The following RPL9 variants were observed in gnomAD, a reference collection of about 807,000 sequenced individuals.
RPL9 encodes the protein ribosomal protein L9, also known as large ribosomal subunit protein uL6.
For synonymous variants in RPL9, 82 were observed against 77.1 expected (o/e 1.06, Z -0.33); for missense variants, 149 against 236.7 (o/e 0.63, Z 2.43).
At chr4:39,456,211 T>A (rs1431008333) in intron 5 of RPL9, 195 bp downstream of exon 5, 1 of 622,778 alleles carries the variant, frequency 1.6e-6, no homozygotes, top group Non-Finnish European at 2.9e-6. Context: ...GAAATTGTAA[T>A]CGACATAATG....
In RPL9 at chr4:39,458,242, G is replaced by A. The variant is rs147466054; in HGVS notation, c.114C>T (p.Phe38=). 4.4e-5 allele frequency: 71 copies of A among 1,614,052 alleles called. No homozygotes were observed. The East Asian group carries it at 1.0e-3, about 23-fold the overall frequency. The part of the protein sequence containing the change: ...KGPRGTLRRD[F]NHINVELSLL... ...GGCTGAGTTCTACATTGATGTGATT[G>A]AAGTCCCTCCGCAGGGTTCCTCTGG... is the stretch of plus-strand genomic sequence containing the variant. The change falls in exon 3 of 8, where the codon TTC becomes TTT. Residue 38 remains phenylalanine, a synonymous_variant. Coordinates refer to ENST00000295955, the MANE Select transcript of RPL9 (RefSeq NM_000661.5).
At chr4:39,458,030 G>C (rs1266885880) in intron 3 of RPL9, 164 bp downstream of exon 3, 4 of 757,914 alleles carry the variant, frequency 5.3e-6, no homozygotes, top group Non-Finnish European at 9.2e-6. Flanking sequence ...GCTGTGTTCA[G>C]AATCTGGTTT....
intron 6 of RPL9, 91 bp downstream of exon 6, chr4:39,454,773 C>T (rs1744020814): frequency 1.4e-6 from 2 of 1,466,780 alleles, no homozygotes; most frequent in African/African-American, 2.8e-5. Context: ...ATTTAAAAAG[C>T]TAATCAAATA....
In RPL9 at chr4:39,458,415, T is replaced by C. The variant is rs748978517; in HGVS notation, c.25A>G (p.Thr9Ala). The C allele has an allele frequency of 6.2e-7, 1 of 1,614,106 alleles. No individual in the cohort carries two copies. Among genetic ancestry groups the C allele is most frequent in the African/African-American group, 1.3e-5 (1 of 74,944 alleles). The change falls in exon 2 of 8, where the codon ACT (threonine) becomes GCT (alanine). Residue 9 changes from threonine to alanine, a missense_variant. Physicochemically the swap from Thr to Ala is moderately conservative, Grantham distance 58. Transcript: ENST00000295955. MKTILSNQ[T>A]VDIPENVDIT... Reference sequence around the variant, plus strand: ...ATACCATTTTCTGGAATGTCGACAGTCTGATTGCTGAGAATAGTCTTCATT... The same window carrying C: ...ATACCATTTTCTGGAATGTCGACAGCCTGATTGCTGAGAATAGTCTTCATT...
chr4:39,456,771 T>G, intron 4 of RPL9: 1 of 474,442 alleles, frequency 2.1e-6, no homozygotes, highest in African/African-American at 2.0e-5. Flanking sequence ...TGAACAATGC[T>G]GCCTTCTTTT....
At chr4:39,455,892 A>C (rs1744067215) in intron 5 of RPL9, 2 of 182,414 alleles carry the variant, frequency 1.1e-5, no homozygotes, top group African/African-American at 2.4e-5. Context: ...TTTAAGCTGC[A>C]GAGAGATGAC....
intron 6 of RPL9, 46 bp from the exon 7 acceptor site, chr4:39,454,695 C>T (rs1454604312): frequency 6.5e-7 from 1 of 1,537,208 alleles, no homozygotes; most frequent in Non-Finnish European, 8.9e-7. Context: ...CCTAACCCAT[C>T]TTAAAAAGAA....
chr4:39,455,018 A>C (rs1315778183), intron 5 of RPL9, 74 bp from the exon 6 acceptor site: 1 of 1,411,098 alleles, frequency 7.1e-7, no homozygotes. Flanking sequence ...GCACTAATTT[A>C]TTCCATGTAA....
rs553478875 is a variant in RPL9 at position 39,456,712 on chromosome 4, T to C, written c.259-174A>G. 3 of 688,066 alleles carry C rather than the reference T, an allele frequency of 4.4e-6. No individual in the cohort carries two copies. In the South Asian group the frequency reaches 6.0e-5, roughly 14 times the overall value. The allele number at this position is 688,066 out of a possible 1,614,324, so 42.6% of individuals were successfully genotyped here. ...ACATTGTTCTGTCTATTCAGTGGAC[T>C]GTAAAGCTCCTTGCGGAGGCTTTAT... On this transcript the variant is annotated intron_variant, in intron 4 of 7. Transcript: ENST00000295955.
rs563851361 is a variant in RPL9, at chr4:39,458,211, C to G, written c.145G>C (p.Gly49Arg). 6.2e-7 allele frequency: 1 copy of G among 1,613,658 alleles called. No homozygotes were observed. Among genetic ancestry groups the G allele is most frequent in the African/African-American group, 1.3e-5 (1 of 74,900 alleles). ...ACCCTCACCCTCTTTTTTTTCTTTC[C>G]AAGAAGGCTGAGTTCTACATTGATG... ...NHINVELSLL[G>R]KKKKRLRVDK... Residue 49 changes from glycine to arginine, a missense_variant, in exon 3 of 8, where the codon GGA becomes CGA. Physicochemically the swap from Gly to Arg is moderately radical, Grantham distance 125 (BLOSUM62 -2). Transcript: ENST00000295955.
At chr4:39,458,122 A>C in intron 3 of RPL9, 72 bp downstream of exon 3, 1 of 1,471,650 alleles carries the variant, frequency 6.8e-7, no homozygotes, top group South Asian at 1.2e-5. Flanking sequence ...AAATTGTTAA[A>C]GCAACCAAAT....
chr4:39,458,120 A>T, intron 3 of RPL9, 74 bp downstream of exon 3: 1 of 1,455,840 alleles, frequency 6.9e-7, no homozygotes, highest in Non-Finnish European at 9.5e-7. Context: ...GAAAATTGTT[A>T]AAGCAACCAA....
chr4:39,457,950 A>C (rs1384226212), intron 3 of RPL9: 3 of 643,876 alleles, frequency 4.7e-6, no homozygotes, highest in Non-Finnish European at 8.3e-6. Context: ...CTAGGAAAAT[A>C]AACCAAACTT....
chr4:39,458,150 C>G, intron 3 of RPL9, 44 bp downstream of exon 3: 1 of 1,591,744 alleles, frequency 6.3e-7, no homozygotes, highest in Non-Finnish European at 8.6e-7. Context: ...TGTTATAAAC[C>G]ACCTTCCAAC....
chr4:39,454,410 T>C (rs1744006628), intron 7 of RPL9, 123 bp downstream of exon 7: 2 of 710,872 alleles, frequency 2.8e-6, no homozygotes, highest in African/African-American at 3.6e-5. Context: ...TCAAATTTAC[T>C]GTGTTCCAGA....
At chr4:39,457,127 G>T (rs1385617818) in intron 4 of RPL9, 2 of 158,356 alleles carry the variant, frequency 1.3e-5, no homozygotes, top group Middle Eastern at 3.1e-3. Context: ...TCCCAACAAG[G>T]GGTCCTGATG....
intron 3 of RPL9, 65 bp from the exon 4 acceptor site, chr4:39,457,746 T>A (rs1744167533): frequency 1.6e-6 from 2 of 1,285,580 alleles, no homozygotes. Flanking sequence ...ACAGACCACT[T>A]ACCGAATTAC....
rs1293394322 is a variant in RPL9 at position 39,458,223 on chromosome 4, G to A, written c.133C>T (p.Leu45Phe). 1 of 1,614,120 alleles carries A rather than the reference G, an allele frequency of 6.2e-7. No individual in the cohort carries two copies. Among genetic ancestry groups the A allele is most frequent in the Non-Finnish European group, 8.5e-7 (1 of 1,180,010 alleles). The change falls in exon 3 of 8, where the codon CTC becomes TTC. Residue 45 changes from leucine (L) to phenylalanine (F), a missense_variant. By Grantham distance (22) the Leu-to-Phe change is conservative. Coordinates refer to ENST00000295955, the MANE Select transcript of RPL9 (RefSeq NM_000661.5). ...TTTTTTTTCTTTCCAAGAAGGCTGA[G>A]TTCTACATTGATGTGATTGAAGTCC... The part of the protein sequence containing the change: ...RRDFNHINVE[L>F]SLLGKKKKRL...
chr4:39,457,372 A>ACC (rs1744139336), intron 4 of RPL9: 2 of 419,880 alleles, frequency 4.8e-6, no homozygotes, highest in Non-Finnish European at 8.5e-6. Context: ...AAAAAACCCA[A>ACC]CAACAGAAAA....
Sources: allele counts gnomAD v4.1 joint callset, GRCh38; gene constraint gnomAD v4.1.1; transcripts MANE v1.5; gene names NCBI Gene and HGNC (gene_info 2026-07-23, HGNC 2026-07-21).